Variants in OPCML observed in about 807,000 individuals in gnomAD.
OPCML encodes opioid-binding protein/cell adhesion molecule.
Under a neutral mutation model 37.8 loss-of-function variants are expected in OPCML, and 13 were observed. That is an observed-to-expected ratio of 0.34 (90% confidence interval 0.22 to 0.55). The LOEUF (loss-of-function observed/expected upper bound fraction) is 0.55. OPCML is among the 20% of genes least tolerant of loss of function. OPCML has a pLI of 0.91. For missense variants in OPCML, 341 were observed against 435.6 expected (o/e 0.78, Z 1.93); for synonymous variants, 176 against 168.8 (o/e 1.04, Z -0.33).
chr11:132,674,291 G>A (rs1042501529), intron 2 of OPCML, among the ~76,000 whole-genome samples: 10 of 152,168 alleles, frequency 6.6e-5, no homozygotes, highest in Non-Finnish European at 1.5e-4. Flanking sequence ...TGCTGTGGGT[G>A]GAAGGGGCAT....
intron 1 of OPCML, among the ~76,000 whole-genome samples, chr11:133,221,642 T>G (rs1324466738): frequency 6.6e-6 from 1 of 152,050 alleles, no homozygotes; most frequent in East Asian, 1.9e-4. Context: ...AAGTGAGGGG[T>G]GCACGGGGAG....
chr11:133,501,746 G>A (rs987337865), intron 1 of OPCML, among the ~76,000 whole-genome samples: 4 of 151,000 alleles, frequency 2.6e-5, no homozygotes, highest in Admixed American at 6.6e-5. Context: ...CCCCCACCCC[G>A]CCCAGGGTGC....
rs559359314 is a variant in OPCML, at chr11:133,422,315, T to C, written c.61+109949A>G. 2.7e-5 allele frequency: 27 copies of C among 982,982 alleles called. No homozygotes were observed. In the South Asian group the frequency reaches 1.1e-3, roughly 41 times the overall value. The allele number at this position is 982,982 out of a possible 1,614,324, so 60.9% of individuals were successfully genotyped here. A position where few individuals can be genotyped will look rare whatever the true frequency, so the allele number is the denominator to read the frequency against. On this transcript the variant is annotated intron_variant, in intron 1 of 7. Coordinates refer to ENST00000524381, the MANE Select transcript of OPCML (RefSeq NM_001012393.5). ...AAGATATGGGGCAAGAATTCCATAA[T>C]TCTTTTTCTAAGTTTTTCTTCAAAG...
intron 4 of OPCML, among the ~76,000 whole-genome samples, chr11:132,490,590 G>A (rs745499816): frequency 6.6e-5 from 10 of 152,082 alleles, no homozygotes; most frequent in African/African-American, 1.9e-4. Context: ...AGGCCGAGGC[G>A]GGCGGATCGT....
intron 1 of OPCML, among the ~76,000 whole-genome samples, chr11:133,521,821 AC>A (rs75949028): frequency 0.033 from 5,102 of 152,338 alleles, 91 homozygotes; most frequent in South Asian, 0.09. Flanking sequence ...GTTCAGGAGA[AC>A]CAGGTTAGCT....
chr11:132,683,352 G>A (rs1010016549), intron 2 of OPCML, among the ~76,000 whole-genome samples: 5 of 152,194 alleles, frequency 3.3e-5, no homozygotes, highest in African/African-American at 7.2e-5. Context: ...TCCAGCCTGG[G>A]TGAGAGAGTG....
intron 1 of OPCML, among the ~76,000 whole-genome samples, chr11:133,204,868 G>GTGTATA (rs1435953218): frequency 8.8e-4 from 103 of 117,258 alleles, no homozygotes; most frequent in Non-Finnish European, 1.0e-3. Flanking sequence ...ATATATATGT[G>GTGTATA]TATATATATA....
intron 1 of OPCML, among the ~76,000 whole-genome samples, chr11:133,312,899 A>C (rs1943099567): frequency 6.6e-6 from 1 of 152,224 alleles, no homozygotes. Context: ...TGATGATTAA[A>C]GGATAGGCGG....
intron 1 of OPCML, among the ~76,000 whole-genome samples, chr11:133,461,707 C>T (rs1402300002): frequency 6.6e-6 from 1 of 151,828 alleles, no homozygotes; most frequent in Non-Finnish European, 1.5e-5. Context: ...GTCAACACTA[C>T]CCAGAGCAGT....
intron 1 of OPCML, among the ~76,000 whole-genome samples, chr11:133,190,716 A>G (rs1938269721): frequency 6.6e-6 from 1 of 152,216 alleles, no homozygotes; most frequent in Non-Finnish European, 1.5e-5. Context: ...GACTTTTTGT[A>G]TAAATAAAAT....
chr11:133,269,312 G>A (rs1463613183), intron 1 of OPCML, among the ~76,000 whole-genome samples: 2 of 152,116 alleles, frequency 1.3e-5, no homozygotes, highest in Admixed American at 6.6e-5. Flanking sequence ...ACAAACTTGG[G>A]TTCTGACATT....
chr11:132,525,068 C>A (rs2096304563), intron 4 of OPCML, among the ~76,000 whole-genome samples: 1 of 152,168 alleles, frequency 6.6e-6, no homozygotes, highest in South Asian at 2.1e-4. Flanking sequence ...AACCTTCACT[C>A]TTCAACCATT....
chr11:133,008,648 G>C (rs1334069256), intron 1 of OPCML, among the ~76,000 whole-genome samples: 3 of 152,198 alleles, frequency 2.0e-5, no homozygotes, highest in African/African-American at 7.2e-5. Context: ...GGGAGTGGAA[G>C]GATCTGTCAT....
intron 1 of OPCML, among the ~76,000 whole-genome samples, chr11:133,084,269 C>G (rs1948785830): frequency 6.6e-6 from 1 of 152,202 alleles, no homozygotes; most frequent in Admixed American, 6.5e-5. Flanking sequence ...ACCCCCCAGA[C>G]ACCTGCACAG....
At chr11:133,487,769 CTGTGTT>C (rs961492436) in intron 1 of OPCML, among the ~76,000 whole-genome samples, 1 of 139,314 alleles carries the variant, frequency 7.2e-6, no homozygotes, top group Non-Finnish European at 1.5e-5. Context: ...CAGAGATACT[CTGTGTT>C]TGTGTGTGTG....
intron 4 of OPCML, among the ~76,000 whole-genome samples, chr11:132,498,593 C>T (rs767788515): frequency 1.3e-5 from 2 of 152,148 alleles, no homozygotes; most frequent in South Asian, 2.1e-4. Flanking sequence ...TTATACTCTA[C>T]GACCCCTCCA....
intron 3 of OPCML, among the ~76,000 whole-genome samples, chr11:132,553,535 C>T (rs1459788166): frequency 6.6e-6 from 1 of 152,178 alleles, no homozygotes; most frequent in Non-Finnish European, 1.5e-5. Flanking sequence ...CTGAGTGCAT[C>T]TCTGTGAGGC....
intron 1 of OPCML, among the ~76,000 whole-genome samples, chr11:133,460,090 T>C (rs576283199): frequency 4.1e-4 from 62 of 152,022 alleles, no homozygotes; most frequent in African/African-American, 1.5e-3. Flanking sequence ...CACAAATATA[T>C]TGAAGTTCAT....
At chr11:132,921,387 C>T (rs1334182680) in intron 2 of OPCML, among the ~76,000 whole-genome samples, 1 of 152,230 alleles carries the variant, frequency 6.6e-6, no homozygotes, top group African/African-American at 2.4e-5. Flanking sequence ...CCAGGCCATG[C>T]TCATCCTTCT....
Sources: allele counts gnomAD v4.1 joint callset (sites outside exome capture counted in the v4.1 genomes callset), GRCh38; gene constraint gnomAD v4.1.1; transcripts MANE v1.5; gene names NCBI Gene and HGNC (gene_info 2026-07-23, HGNC 2026-07-21).